The following MANSC1 variants were observed in gnomAD, a reference collection of about 807,000 sequenced individuals.
The protein encoded by MANSC1 is MANSC domain-containing protein 1.
Under a neutral mutation model 14.1 loss-of-function variants are expected in MANSC1, and 13 were observed. That is an observed-to-expected ratio of 0.92 (90% CI 0.60 to 1.46). The LOEUF (loss-of-function observed/expected upper bound fraction) is 1.46. Ranked by LOEUF, MANSC1 falls within the 40% of genes most tolerant of loss-of-function variation. The pLI is 0.00. For synonymous variants in MANSC1, 227 were observed against 200.7 expected, an observed-to-expected ratio of 1.13 and a Z score of -1.11; for missense variants, 486 against 511.4, an observed-to-expected ratio of 0.95 and a Z score of 0.48.
chr12:12,347,819 G>C (rs1359837920), intron 1 of MANSC1, among the ~76,000 whole-genome samples: 1 of 152,202 alleles, frequency 6.6e-6, no homozygotes, highest in African/African-American at 2.4e-5. Flanking sequence ...AGCACTTTGG[G>C]AGGCCAAGGT....
In MANSC1 at chr12:12,328,790, C is replaced by A. The variant is rs1862739937; in HGVS notation, c.*1237G>T. The stretch of plus-strand genomic sequence containing the variant: ...GATCACAAGGTCAGGAGATCGAGAC[C>A]ATCCTGACTAACACAGTGAAACCCC... On this transcript the variant is annotated 3_prime_UTR_variant, in exon 4 of 4. Transcript: ENST00000535902. The A allele has an allele frequency of 6.6e-6, 1 of 151,402 alleles. No homozygotes were observed. The highest frequency in any genetic ancestry group is 1.5e-5 in the Non-Finnish European group (1 of 67,824). 9.4% of individuals were successfully genotyped at this position (151,402 alleles called of 1,614,324 possible).
intron 1 of MANSC1, among the ~76,000 whole-genome samples, chr12:12,347,994 T>C (rs1409667218): frequency 6.6e-6 from 1 of 150,806 alleles, no homozygotes; most frequent in African/African-American, 2.4e-5. Flanking sequence ...ACCCGGGACG[T>C]GGAGGTTGCA....
chr12:12,348,484 T>TA (rs35612401), intron 1 of MANSC1, among the ~76,000 whole-genome samples: 1 of 152,108 alleles, frequency 6.6e-6, no homozygotes, highest in African/African-American at 2.4e-5. Context: ...TATGACGTTC[T>TA]AAAAAAGGCA....
chr12:12,344,919 A>ATATG (rs1862987589), intron 1 of MANSC1, among the ~76,000 whole-genome samples: 1 of 13,276 alleles, frequency 7.5e-5, no homozygotes, highest in Non-Finnish European at 1.5e-4. Flanking sequence ...AAACTCCCAT[A>ATATG]TATATATATA....
chr12:12,346,914 G>T (rs78157767), intron 1 of MANSC1, among the ~76,000 whole-genome samples: 1 of 150,310 alleles, frequency 6.7e-6, no homozygotes, highest in Non-Finnish European at 1.5e-5. Flanking sequence ...AAAAGATACC[G>T]TTAAAGAGAA....
intron 3 of MANSC1, among the ~76,000 whole-genome samples, chr12:12,334,721 T>C (rs904308046): frequency 5.3e-5 from 8 of 152,276 alleles, no homozygotes; most frequent in African/African-American, 1.9e-4. Context: ...CTCTTTTATA[T>C]GTGCATTACA....
intron 2 of MANSC1, chr12:12,338,886 C>CAA: frequency 3.1e-6 from 1 of 324,406 alleles, no homozygotes; most frequent in Non-Finnish European, 5.6e-6. Context: ...ACCACACACA[C>CAA]ACAAACACAC....
At chr12:12,332,476 T>C (rs1174007416) in intron 3 of MANSC1, among the ~76,000 whole-genome samples, 2 of 152,232 alleles carry the variant, frequency 1.3e-5, no homozygotes, top group Admixed American at 1.3e-4. Flanking sequence ...GCCTGCCATC[T>C]GTCTTTGTAT....
intron 1 of MANSC1, among the ~76,000 whole-genome samples, chr12:12,347,039 CCAGG>C (rs1863018200): frequency 6.6e-6 from 1 of 151,724 alleles, no homozygotes; most frequent in Non-Finnish European, 1.5e-5. Flanking sequence ...CTTTCTCGCA[CCAGG>C]GACCAGTTTC....
At chr12:12,331,747 G>C (rs1056744716) in intron 3 of MANSC1, among the ~76,000 whole-genome samples, 1 of 152,100 alleles carries the variant, frequency 6.6e-6, no homozygotes, top group East Asian at 1.9e-4. Flanking sequence ...TCTGGTCTCC[G>C]CTCTGAGCAC....
intron 1 of MANSC1, among the ~76,000 whole-genome samples, chr12:12,345,918 G>A (rs1201225392): frequency 6.6e-6 from 1 of 152,170 alleles, no homozygotes; most frequent in Non-Finnish European, 1.5e-5. Flanking sequence ...AATCAAAGAG[G>A]AGCTAATAAA....
chr12:12,332,062 C>T (rs371753690), intron 3 of MANSC1, among the ~76,000 whole-genome samples: 1 of 152,102 alleles, frequency 6.6e-6, no homozygotes, highest in East Asian at 1.9e-4. Context: ...GATCACACAC[C>T]CCATTTATCA....
Position 12,330,718 on chromosome 12 carries a change from C to G in MANSC1, c.605G>C (p.Gly202Ala), listed in dbSNP as rs763953655. Reference protein sequence around the residue: ...SAQLLAYKEKGHSQSSQFSSD... With the variant: ...SAQLLAYKEKAHSQSSQFSSD... ...GGAAAATTGTGAACTCTGAGAATGGCCTTTTTCCTTATAAGCAAGGAGCTG... is the reference window on the plus strand; with the variant it reads ...GGAAAATTGTGAACTCTGAGAATGGGCTTTTTCCTTATAAGCAAGGAGCTG... The change falls in exon 4 of 4, where the codon GGC becomes GCC. Residue 202 changes from glycine to alanine, a missense_variant. Gly to Ala is a moderately conservative substitution (Grantham distance 60). Transcript: ENST00000535902. 15 of 1,614,046 alleles carry G rather than the reference C, an allele frequency of 9.3e-6. No individual in the cohort carries two copies. The highest frequency in any genetic ancestry group is 1.3e-5 in the African/African-American group (1 of 74,916).
At chr12:12,340,970 G>T (rs1014920960) in intron 2 of MANSC1, among the ~76,000 whole-genome samples, 2 of 152,016 alleles carry the variant, frequency 1.3e-5, no homozygotes, top group Non-Finnish European at 2.9e-5. Flanking sequence ...CCAAGTATAC[G>T]GTGTCTTCTC....
In MANSC1 at chr12:12,328,762, G is replaced by A. The variant is rs1203658940; in HGVS notation, c.*1265C>T. The A allele has an allele frequency of 6.6e-6, 1 of 151,338 alleles. No individual in the cohort carries two copies. The highest frequency in any genetic ancestry group is 1.5e-5 in the Non-Finnish European group (1 of 67,736). 9.4% of individuals were successfully genotyped at this position (151,338 alleles called of 1,614,324 possible). On this transcript the variant is annotated 3_prime_UTR_variant, in exon 4 of 4. Transcript: ENST00000535902. ...CCAGCACTTTGGGAGGCCGAGGCGG[G>A]CGGATCACAAGGTCAGGAGATCGAG...
Position 12,329,990 on chromosome 12 carries a change from G to GCAAAT in MANSC1, c.*36_*37insATTTG, listed in dbSNP as rs778632561. ...AGAAACTCATTGCATTTGGGCTTCT[G>GCAAAT]GTTACTAAATGAATTAAGAGACACC... On this transcript the variant is annotated 3_prime_UTR_variant, in exon 4 of 4. Coordinates refer to ENST00000535902, the MANE Select transcript of MANSC1 (RefSeq NM_018050.4). 6.4e-7 allele frequency: 1 copy of GCAAAT among 1,558,074 alleles called. No individual in the cohort carries two copies. Among genetic ancestry groups the GCAAAT allele is most frequent in the South Asian group, 1.2e-5 (1 of 85,912 alleles).
chr12:12,344,726 CA>C (rs1447065223), intron 1 of MANSC1, among the ~76,000 whole-genome samples: 21 of 149,928 alleles, frequency 1.4e-4, no homozygotes, highest in African/African-American at 4.7e-4. Flanking sequence ...CTCGGCCTCC[CA>C]AAGTGCTGGG....
intron 1 of MANSC1, among the ~76,000 whole-genome samples, chr12:12,349,048 A>G (rs1863044347): frequency 6.6e-6 from 1 of 152,250 alleles, no homozygotes; most frequent in Non-Finnish European, 1.5e-5. Context: ...GAAACGTGCA[A>G]CAAGTCATGT....
chr12:12,330,326 C>G lies in MANSC1; in HGVS notation c.997G>C (p.Gly333Arg), dbSNP rs536137705. Residue 333 changes from glycine to arginine, a missense_variant, in exon 4 of 4, where the codon GGG becomes CGG. Transcript: ENST00000535902. ...AGTGCAGTAGGGTTATACACATTCC[C>G]TGTGTTCAAAGTTAGGTTGGAGATT... Reference protein sequence around the residue: ...TEISNLTLNTGNVYNPTALSM... With the variant: ...TEISNLTLNTRNVYNPTALSM... 1 of 1,614,120 alleles carries G rather than the reference C, an allele frequency of 6.2e-7. No individual in the cohort carries two copies. The highest frequency in any genetic ancestry group is 8.5e-7 in the Non-Finnish European group (1 of 1,180,000).
Sources: gnomAD v4.1 joint callset for allele counts (sites outside exome capture counted in the v4.1 genomes callset) on GRCh38, gnomAD v4.1.1 for gene constraint, MANE v1.5 for transcripts, NCBI Gene and HGNC (gene_info 2026-07-23, HGNC 2026-07-21) for gene names.